Variants in MACO1 observed in about 807,000 individuals in gnomAD.
The protein encoded by MACO1 is macoilin 1, also known as macoilin.
MACO1 carries 14 observed loss-of-function variants against 78.7 expected under a neutral mutation model. The observed-to-expected ratio is 0.18, with a 90% confidence interval of 0.12 to 0.28. The LOEUF (loss-of-function observed/expected upper bound fraction) is 0.28. Among genes scored for constraint, MACO1 ranks in the 10% least tolerant of loss-of-function variants. The pLI is 1.00. For missense variants in MACO1, 501 were observed against 799.0 expected (o/e 0.63, Z 4.50); for synonymous variants, 288 against 291.6 (o/e 0.99, Z 0.12).
intron 1 of MACO1, among the ~76,000 whole-genome samples, chr1:25,435,700 G>C (rs1050144711): frequency 4.6e-5 from 7 of 152,298 alleles, no homozygotes; most frequent in Middle Eastern, 3.4e-3. Context: ...GGTAATCTTG[G>C]TAGGCTTTAA....
chr1:25,468,817 T>C (rs1344882701), intron 6 of MACO1, among the ~76,000 whole-genome samples: 1 of 152,160 alleles, frequency 6.6e-6, no homozygotes, highest in African/African-American at 2.4e-5. Flanking sequence ...TTAACTCATT[T>C]GTTTACACTG....
chr1:25,480,798 G>T (rs528347432), intron 6 of MACO1, among the ~76,000 whole-genome samples: 1 of 151,162 alleles, frequency 6.6e-6, no homozygotes, highest in African/African-American at 2.4e-5. Context: ...GGGCGTGGTG[G>T]TGGGCACCTG....
Position 25,458,349 on chromosome 1 carries a change from G to T in MACO1, c.653-42G>T, listed in dbSNP as rs199661017. On this transcript the variant is annotated intron_variant, in intron 5 of 10. Coordinates refer to ENST00000374343, the MANE Select transcript of MACO1 (RefSeq NM_018202.6). ...GTGTTGTTAAACAACTAAATATTCC[G>T]GTGGGGGCTTTTTGTTTGTTGGTTT... The T allele has an allele frequency of 2.3e-4, 344 of 1,528,558 alleles. 1 individual carries two copies. Among genetic ancestry groups the T allele is most frequent in the Middle Eastern group, 2.1e-3 (12 of 5,650 alleles). 94.7% of individuals were successfully genotyped at this position (1,528,558 alleles called of 1,614,324 possible).
At chr1:25,497,902 A>C (rs1472875317) in intron 10 of MACO1, among the ~76,000 whole-genome samples, 3 of 152,236 alleles carry the variant, frequency 2.0e-5, no homozygotes, top group South Asian at 2.1e-4. Context: ...ACTTCTTTAC[A>C]TCAACCACAC....
chr1:25,432,633 T>C (rs2042885992), intron 1 of MACO1, among the ~76,000 whole-genome samples: 1 of 152,248 alleles, frequency 6.6e-6, no homozygotes, highest in South Asian at 2.1e-4. Context: ...ACATACACTA[T>C]ACATTCTTGA....
chr1:25,432,098 C>T (rs959135317), intron 1 of MACO1, among the ~76,000 whole-genome samples: 4 of 152,042 alleles, frequency 2.6e-5, no homozygotes, highest in Non-Finnish European at 4.4e-5. Flanking sequence ...ATGGTATTTG[C>T]CTTGATACAG....
Position 25,446,850 on chromosome 1 carries a change from C to T in MACO1, c.169C>T (p.Pro57Ser). The change falls in exon 2 of 11, where the codon CCA becomes TCA. Residue 57 changes from proline to serine, a missense_variant. Around this residue, in one of 5 missense-constraint regions of MACO1, gnomAD observed 171 missense variants for 292.1 expected, o/e 0.59. Transcript: ENST00000374343. The part of the protein sequence containing the change: ...VLEFRFEYLW[P>S]FWLFIRSVYD... Reference sequence around the variant, plus strand: ...GGAGTTCAGATTTGAATACCTGTGGCCATTCTGGCTTTTCATCAGAAGCGT... The same window carrying T: ...GGAGTTCAGATTTGAATACCTGTGGTCATTCTGGCTTTTCATCAGAAGCGT... 6.2e-7 allele frequency: 1 copy of T among 1,613,916 alleles called. No individual in the cohort carries two copies. The highest frequency in any genetic ancestry group is 8.5e-7 in the Non-Finnish European group (1 of 1,179,940).
At chr1:25,476,726 T>C (rs942548621) in intron 6 of MACO1, among the ~76,000 whole-genome samples, 2 of 152,358 alleles carry the variant, frequency 1.3e-5, no homozygotes, top group East Asian at 3.8e-4. Flanking sequence ...GGGGAACTCC[T>C]AATGGAACTA....
At chr1:25,439,419 A>G (rs1000392691) in intron 1 of MACO1, among the ~76,000 whole-genome samples, 28 of 150,732 alleles carry the variant, frequency 1.9e-4, no homozygotes, top group Non-Finnish European at 3.7e-4. Context: ...CAAACAAAAA[A>G]GGGCATATTT....
chr1:25,475,885 A>G (rs1175138999), intron 6 of MACO1, among the ~76,000 whole-genome samples: 3 of 152,156 alleles, frequency 2.0e-5, no homozygotes, highest in African/African-American at 4.8e-5. Flanking sequence ...CACAGACTCT[A>G]TCATGAGCAT....
At chr1:25,493,484 A>G (rs1490653264) in intron 10 of MACO1, among the ~76,000 whole-genome samples, 1 of 151,896 alleles carries the variant, frequency 6.6e-6, no homozygotes, top group African/African-American at 2.4e-5. Context: ...TCCTGGGCTC[A>G]AGAGATCCTC....
chr1:25,434,905 A>G (rs1232298464), intron 1 of MACO1, among the ~76,000 whole-genome samples: 1 of 152,052 alleles, frequency 6.6e-6, no homozygotes, highest in East Asian at 1.9e-4. Flanking sequence ...TGTAGTTTTT[A>G]AAAGCCTTAA....
At chr1:25,456,860 C>A in intron 5 of MACO1, 29 bp downstream of exon 5, 1 of 1,556,296 alleles carries the variant, frequency 6.4e-7, no homozygotes, top group South Asian at 1.2e-5. Context: ...GCTGTTGGCT[C>A]AATAGGCTAG....
chr1:25,490,483 C>T (rs951106484), intron 9 of MACO1, among the ~76,000 whole-genome samples: 4 of 152,136 alleles, frequency 2.6e-5, no homozygotes, highest in African/African-American at 9.7e-5. Flanking sequence ...ACAAAATAGG[C>T]CTCATACATT....
At position 25,486,542 on chromosome 1, in the gene MACO1, A is replaced by C. The variant is rs1046029102; in HGVS notation, c.1496+747A>C. Among the ~76,000 whole-genome samples the C allele has an allele frequency of 2.6e-5, 4 of 152,144 alleles. No homozygotes were observed. In the East Asian group the frequency reaches 7.7e-4, roughly 29 times the overall value. On this transcript the variant is annotated intron_variant, in intron 8 of 10. Transcript: ENST00000374343. ...TGTTTGCAGATATAGAGCGAGGGTA[A>C]ATTATTATTTATTTCACTTTTAAAT...
chr1:25,464,823 AT>A (rs2043203738), intron 6 of MACO1, among the ~76,000 whole-genome samples: 1 of 150,624 alleles, frequency 6.6e-6, no homozygotes, highest in African/African-American at 2.4e-5. Flanking sequence ...TGCCCAGCTA[AT>A]TTTTTGTATT....
At chr1:25,444,717 G>T (rs1264400713) in intron 1 of MACO1, among the ~76,000 whole-genome samples, 1 of 152,010 alleles carries the variant, frequency 6.6e-6, no homozygotes, top group Non-Finnish European at 1.5e-5. Flanking sequence ...CTTCTGAGTA[G>T]CTGGGACTAC....
chr1:25,471,044 T>A (rs181473389), intron 6 of MACO1, among the ~76,000 whole-genome samples: 1 of 134,938 alleles, frequency 7.4e-6, no homozygotes, highest in African/African-American at 2.8e-5. Context: ...AAATTAAAAA[T>A]ATATATGGGT....
chr1:25,487,232 C>T (rs1177030420), intron 8 of MACO1, among the ~76,000 whole-genome samples: 1 of 152,152 alleles, frequency 6.6e-6, no homozygotes, highest in Non-Finnish European at 1.5e-5. Flanking sequence ...CAGCTCACTG[C>T]AGCCTTTGCC....
Sources: allele counts gnomAD v4.1 joint callset (sites outside exome capture counted in the v4.1 genomes callset), GRCh38; gene constraint gnomAD v4.1.1; regional missense constraint gnomAD v4.1.1; transcripts MANE v1.5; gene names NCBI Gene and HGNC (gene_info 2026-07-23, HGNC 2026-07-21).